FAAP100: variants seen among roughly 807,000 people sequenced by gnomAD.
The protein encoded by FAAP100 is FA core complex associated protein 100.
A neutral mutation model predicts 65.8 loss-of-function variants in FAAP100; 46 were observed. The observed-to-expected ratio is 0.70, with a 90% CI of 0.55 to 0.89. FAAP100 has a LOEUF of 0.89. Among genes scored for constraint, FAAP100 ranks in the 40% least tolerant of loss-of-function variants. The pLI is 0.00. For synonymous variants in FAAP100, 663 were observed against 555.1 expected, an observed-to-expected ratio of 1.19 and a Z score of -2.73; for missense variants, 1,165 against 1,196.7, an observed-to-expected ratio of 0.97 and a Z score of 0.39.
At chr17:81,543,833 C>T (rs2033200718) in intron 7 of FAAP100, among the ~76,000 whole-genome samples, 171 bp downstream of exon 7, 1 of 152,180 alleles carries the variant, frequency 6.6e-6, no homozygotes, top group African/African-American at 2.4e-5. Context: ...CTCTCATCGC[C>T]CACAGCTCCA....
In FAAP100 at chr17:81,540,728, G is replaced by T. The variant is rs1433285470; in HGVS notation, c.*91C>A. 2.1e-6 allele frequency: 3 copies of T among 1,401,626 alleles called. No individual in the cohort carries two copies. The East Asian group carries it at 7.8e-5, about 36-fold the overall frequency. The allele number at this position is 1,401,626 out of a possible 1,614,324, so 86.8% of individuals were successfully genotyped here. A position where few individuals can be genotyped will look rare whatever the true frequency, so the allele number is the denominator to read the frequency against. On this transcript the variant is annotated 3_prime_UTR_variant, in exon 9 of 9. Transcript: ENST00000327787. ...TACCTTCCCTGACGGCTCTGGCCAG[G>T]CCAGCTCGGTTTCCCTCTAACCCAT...
At chr17:81,551,759 A>G (rs539744100) in intron 2 of FAAP100, 169 bp downstream of exon 2, 61 of 1,365,360 alleles carry the variant, frequency 4.5e-5, no homozygotes, top group Non-Finnish European at 5.7e-5. Context: ...ACACTTGCAG[A>G]AAGAGTGCTG....
Position 81,540,306 on chromosome 17 carries a change from G to A in FAAP100, c.*513C>T, listed in dbSNP as rs1339094423. On this transcript the variant is annotated 3_prime_UTR_variant, in exon 9 of 9. Transcript: ENST00000327787. ...CTCGGGGTCCCAGAGTGGGCAGCCG[G>A]GCAGGTGTGAACAGTGTGACAAGGG... 5.0e-6 allele frequency: 2 copies of A among 398,852 alleles called. No homozygotes were observed. The highest frequency in any genetic ancestry group is 8.8e-6 in the Non-Finnish European group (2 of 226,190). The allele number at this position is 398,852 out of a possible 1,614,324, so 24.7% of individuals were successfully genotyped here.
At chr17:81,543,909 C>T (rs748047703) in intron 7 of FAAP100, 95 bp downstream of exon 7, 40 of 1,153,902 alleles carry the variant, frequency 3.5e-5, no homozygotes, top group East Asian at 7.2e-5. Flanking sequence ...TGCAGGGAGC[C>T]GCAGACCCCG....
rs775584528 is a variant in FAAP100, at chr17:81,547,385, G to C, written c.1697C>G (p.Thr566Ser). Residue 566 changes from threonine (T) to serine (S), a missense_variant, in exon 5 of 9, where the codon ACC becomes AGC. Transcript: ENST00000327787. ...GGGGCCGAGCTGGTCCACGGGGATG[G>C]TGTAGGTGATGGCGGAGCAGGCCGA... ...LDSACSAITY[T>S]IPVDQLGPGA... 5 of 1,612,902 alleles carry C rather than the reference G, an allele frequency of 3.1e-6. No homozygotes were observed. The highest frequency in any genetic ancestry group is 8.5e-7 in the Non-Finnish European group (1 of 1,180,014).
At position 81,544,011 on chromosome 17, in the gene FAAP100, C is replaced by G; in HGVS notation, c.2420G>C (p.Arg807Pro). 2 of 1,611,274 alleles carry G rather than the reference C, an allele frequency of 1.2e-6. No individual in the cohort carries two copies. Among genetic ancestry groups the G allele is most frequent in the Non-Finnish European group, 1.7e-6 (2 of 1,178,932 alleles). ...CCCAGCGGGCCGACATACCTGCATGCGCCCGACAACGGCATGGTGCGCCCT... is the reference window on the plus strand; with the variant it reads ...CCCAGCGGGCCGACATACCTGCATGGGCCCGACAACGGCATGGTGCGCCCT... Reference protein sequence around the residue: ...ICRAHHAVVGRMQTMVTEQAT... With the variant: ...ICRAHHAVVGPMQTMVTEQAT... The change falls in exon 7 of 9, where the codon CGC becomes CCC. Residue 807 changes from arginine (R) to proline (P), a missense_variant. Physicochemically the swap from Arg to Pro is moderately radical, Grantham distance 103. Coordinates refer to ENST00000327787, the MANE Select transcript of FAAP100 (RefSeq NM_025161.6).
Position 81,547,104 on chromosome 17 carries a change from G to GGCCA in FAAP100, c.1977_1978insTGGC (p.Pro660TrpfsTer81). 6.6e-7 allele frequency: 1 copy of GGCCA among 1,520,378 alleles called. No homozygotes were observed. The highest frequency in any genetic ancestry group is 8.8e-7 in the Non-Finnish European group (1 of 1,133,630). The allele number at this position is 1,520,378 out of a possible 1,614,324, so 94.2% of individuals were successfully genotyped here. Reference sequence around the variant, plus strand: ...GGGGAGGGGGCCCGTGTGTGTGGCGGGGCCAGGCCAGGGAAGCGCAGACAC... The same window carrying GGCCA: ...GGGGAGGGGGCCCGTGTGTGTGGCGGGCCAGGCCAGGCCAGGGAAGCGCAGACAC... On this transcript the variant is annotated frameshift_variant, in exon 5 of 9. Coordinates refer to ENST00000327787, the MANE Select transcript of FAAP100 (RefSeq NM_025161.6). LOFTEE classifies it high-confidence loss of function.
chr17:81,552,143 C>A, intron 1 of FAAP100, 23 bp downstream of exon 1: 2 of 1,487,626 alleles, frequency 1.3e-6, no homozygotes, highest in Admixed American at 2.3e-5. Context: ...CGGTCCCTCC[C>A]GCCCCCGCGG....
chr17:81,552,208 G>A lies in FAAP100; in HGVS notation c.123C>T (p.Ser41=). The change falls in exon 1 of 9, where the codon AGC becomes AGT. Residue 41 remains serine (S), a synonymous_variant. Transcript: ENST00000327787. ...CCTGGTCGTACACGTAGACGAGCTC[G>A]CTCCCGGTGGACAGGAAGACCTCTG... ...HEAEVFLSTG[S]ELVYVYDQEG... The A allele has an allele frequency of 6.7e-7, 1 of 1,500,202 alleles. No individual in the cohort carries two copies. The highest frequency in any genetic ancestry group is 8.8e-7 in the Non-Finnish European group (1 of 1,131,306). The allele number at this position is 1,500,202 out of a possible 1,614,324, so 92.9% of individuals were successfully genotyped here.
In FAAP100 at chr17:81,540,914, G is replaced by C; in HGVS notation, c.2551C>G (p.Leu851Val). The C allele has an allele frequency of 6.3e-7, 1 of 1,591,442 alleles. No homozygotes were observed. Residue 851 changes from leucine (L) to valine (V), a missense_variant, in exon 9 of 9, where the codon CTC becomes GTC. Coordinates refer to ENST00000327787, the MANE Select transcript of FAAP100 (RefSeq NM_025161.6). ...GAGCTGGCCTCATCCTCCGTGCAGA[G>C]CCGGTCGCGCAGGGTCTGCACCTCC... ...LREVQTLRDR[L>V]CTEDEASSCA...
In FAAP100 at chr17:81,551,156, G is replaced by A. The variant is rs1418565080; in HGVS notation, c.338C>T (p.Ser113Phe). 3.2e-6 allele frequency: 5 copies of A among 1,544,486 alleles called. No homozygotes were observed. Among genetic ancestry groups the A allele is most frequent in the Non-Finnish European group, 4.4e-6 (5 of 1,142,606 alleles). The part of the protein sequence containing the change: ...DRDSEDGDQP[S>F]PVIPVDPDAC... ...ATCGGGGTCCACAGGGATCACGGGG[G>A]AAGGCTGGTCACCGTCCTCGCTGTC... Residue 113 changes from serine to phenylalanine, a missense_variant, in exon 3 of 9, where the codon TCC (serine) becomes TTC (phenylalanine). Coordinates refer to ENST00000327787, the MANE Select transcript of FAAP100 (RefSeq NM_025161.6).
rs569780631 is a variant in FAAP100 at position 81,550,625 on chromosome 17, G to T, written c.869C>A (p.Thr290Lys). Residue 290 changes from threonine (T) to lysine (K), a missense_variant, in exon 3 of 9, where the codon ACA (threonine) becomes AAA (lysine). Physicochemically the swap from Thr to Lys is moderately conservative, Grantham distance 78. Coordinates refer to ENST00000327787, the MANE Select transcript of FAAP100 (RefSeq NM_025161.6). ...EPVIFIGALK[T>K]EPQAAEAAEN... The stretch of plus-strand genomic sequence containing the variant: ...TGCAGCTTCTGCAGCCTGTGGCTCT[G>T]TCTTCAAGGCCCCTATGAAGATGAC... 1 of 1,613,024 alleles carries T rather than the reference G, an allele frequency of 6.2e-7. No individual in the cohort carries two copies. Among genetic ancestry groups the T allele is most frequent in the Admixed American group, 1.7e-5 (1 of 60,030 alleles).
Position 81,545,880 on chromosome 17 carries a change from C to G in FAAP100, c.2176G>C (p.Val726Leu), listed in dbSNP as rs891148187. 6.2e-7 allele frequency: 1 copy of G among 1,605,152 alleles called. No individual in the cohort carries two copies. The highest frequency in any genetic ancestry group is 1.1e-5 in the South Asian group (1 of 91,014). The change falls in exon 6 of 9, where the codon GTG becomes CTG. Residue 726 changes from valine to leucine, a missense_variant and splice_region_variant. Physicochemically the swap from Val to Leu is conservative, Grantham distance 32. Transcript: ENST00000327787. The part of the protein sequence containing the change: ...RAALKDGHSG[V>L]PLCCATLQWL... The stretch of plus-strand genomic sequence containing the variant: ...TGCAGGGTGGCACAGCACAGGGGCA[C>G]GCCTGGAGGGGAGGCATCAGCCGAG...
chr17:81,543,944 G>T (rs1309353403), intron 7 of FAAP100, 60 bp downstream of exon 7: 5 of 1,462,898 alleles, frequency 3.4e-6, no homozygotes, highest in Middle Eastern at 1.7e-4. Flanking sequence ...AGGGTCCCAT[G>T]CAGGGACCTT....
In FAAP100 at chr17:81,541,365, A is replaced by C; in HGVS notation, c.2458T>G (p.Ser820Ala). The change falls in exon 8 of 9, where the codon TCC (serine) becomes GCC (alanine). Residue 820 changes from serine (S) to alanine (A), a missense_variant. Ser to Ala is a moderately conservative substitution (Grantham distance 99, BLOSUM62 1). Coordinates refer to ENST00000327787, the MANE Select transcript of FAAP100 (RefSeq NM_025161.6). Reference protein sequence around the residue: ...TMVTEQATQGSSAPDLRVQYL... With the variant: ...TMVTEQATQGASAPDLRVQYL... ...TGCACACGGAGATCAGGAGCGCTGGAGCCCTGGGTGGCCTGCTCTGTCACC... is the reference window on the plus strand; with the variant it reads ...TGCACACGGAGATCAGGAGCGCTGGCGCCCTGGGTGGCCTGCTCTGTCACC... The C allele has an allele frequency of 6.2e-7, 1 of 1,611,526 alleles. No homozygotes were observed. The highest frequency in any genetic ancestry group is 8.5e-7 in the Non-Finnish European group (1 of 1,179,648).
At chr17:81,549,506 A>T in intron 3 of FAAP100, 144 bp from the exon 4 acceptor site, 22 of 1,086,064 alleles carry the variant, frequency 2.0e-5, no homozygotes, top group Non-Finnish European at 2.6e-5. Context: ...GTCCCAAGGC[A>T]AATGCACTGT....
rs745589315 is a variant in FAAP100 at position 81,547,561 on chromosome 17, G to C, written c.1521C>G (p.Ser507=). Residue 507 remains serine, a synonymous_variant, in exon 5 of 9, where the codon TCC becomes TCG. Transcript: ENST00000327787. ...LSSGTGPRPI[S]CTTSTTWSRL... ...GGCTCCAGGTGGTGCTGGTGGTGCA[G>C]GAGATGGGTCTGGGGCCCGTGCCGC... is the stretch of plus-strand genomic sequence containing the variant. 3.1e-6 allele frequency: 5 copies of C among 1,613,456 alleles called. No individual in the cohort carries two copies. The Admixed American group carries it at 6.7e-5, about 22-fold the overall frequency.
intron 5 of FAAP100, among the ~76,000 whole-genome samples, chr17:81,546,190 A>T (rs2033294206): frequency 2.0e-5 from 3 of 152,384 alleles, no homozygotes; most frequent in Middle Eastern, 3.4e-3. Context: ...AGGAGCAGGC[A>T]GCTCCGCCCG....
chr17:81,542,848 G>C (rs1463807221), intron 7 of FAAP100, among the ~76,000 whole-genome samples: 1 of 152,248 alleles, frequency 6.6e-6, no homozygotes, highest in Non-Finnish European at 1.5e-5. Flanking sequence ...CTCTGCTCTT[G>C]GCAGGGGATG....
Sources: gnomAD v4.1 joint callset for allele counts (sites outside exome capture counted in the v4.1 genomes callset) on GRCh38, gnomAD v4.1.1 for gene constraint, MANE v1.5 for transcripts, NCBI Gene and HGNC (gene_info 2026-07-23, HGNC 2026-07-21) for gene names.